Variants in PAK5 observed in about 807,000 individuals in gnomAD.
PAK5 encodes serine/threonine-protein kinase PAK 5.
A neutral mutation model predicts 65.9 loss-of-function variants in PAK5; 16 were observed. That is an observed-to-expected ratio of 0.24 (90% CI 0.16 to 0.37). The LOEUF is 0.37. PAK5 is among the 10% of genes least tolerant of loss of function. The pLI is 1.00. For synonymous variants in PAK5, 371 were observed against 354.9 expected (o/e 1.05, Z -0.51); for missense variants, 785 against 903.9 (o/e 0.87, Z 1.69).
At chr20:9,556,693 T>G (rs1011013524) in intron 7 of PAK5, among the ~76,000 whole-genome samples, 2 of 152,222 alleles carry the variant, frequency 1.3e-5, no homozygotes, top group African/African-American at 2.4e-5. Flanking sequence ...TGCCCTGGTG[T>G]GGCTGATGAG....
intron 1 of PAK5, among the ~76,000 whole-genome samples, chr20:9,789,693 A>G (rs2049029604): frequency 6.6e-6 from 1 of 152,112 alleles, no homozygotes; most frequent in African/African-American, 2.4e-5. Flanking sequence ...GGTCTGGGGA[A>G]GATGGGAAAG....
chr20:9,809,335 ATTT>A (rs3061945), intron 1 of PAK5, among the ~76,000 whole-genome samples: 2 of 135,320 alleles, frequency 1.5e-5, no homozygotes, highest in African/African-American at 5.7e-5. Context: ...GGCAATCCAA[ATTT>A]TTTTTTTTTT....
chr20:9,723,076 C>T lies in PAK5; in HGVS notation c.-161-11641G>A, dbSNP rs117369186. On this transcript the variant is annotated intron_variant, in intron 1 of 9. Transcript: ENST00000353224. The stretch of plus-strand genomic sequence containing the variant: ...GGTCTTACAATAAAGTCCAATAAAA[C>T]GAGGAAGCCATTGACGAGCGTGGAG... Among the ~76,000 whole-genome samples the T allele has an allele frequency of 1.9e-3, 290 of 152,184 alleles. 2 individuals carry two copies. The highest frequency in any genetic ancestry group is 2.1e-3 in the Non-Finnish European group (143 of 68,008).
intron 2 of PAK5, among the ~76,000 whole-genome samples, chr20:9,664,426 T>C (rs2047386124): frequency 6.6e-6 from 1 of 152,192 alleles, no homozygotes; most frequent in South Asian, 2.1e-4. Flanking sequence ...CTATGATTCT[T>C]AGCTGTTTTG....
intron 2 of PAK5, among the ~76,000 whole-genome samples, chr20:9,666,290 C>T (rs1236488717): frequency 6.6e-6 from 1 of 151,554 alleles, no homozygotes. Flanking sequence ...AGCCTCCTGA[C>T]TGCCCACAGG....
At chr20:9,768,558 G>A (rs1291956053) in intron 1 of PAK5, among the ~76,000 whole-genome samples, 1 of 152,118 alleles carries the variant, frequency 6.6e-6, no homozygotes, top group African/African-American at 2.4e-5. Flanking sequence ...CAAGGTGGGT[G>A]GATCACTTGA....
intron 1 of PAK5, among the ~76,000 whole-genome samples, chr20:9,748,473 C>G (rs930235048): frequency 6.6e-6 from 1 of 152,158 alleles, no homozygotes; most frequent in Non-Finnish European, 1.5e-5. Context: ...CAGCATGGTA[C>G]TAGTACCAAA....
chr20:9,616,210 T>C lies in PAK5; in HGVS notation c.204+27915A>G, dbSNP rs186546287. 3.3e-5 allele frequency among the ~76,000 whole-genome samples: 5 copies of C among 152,364 alleles called. No homozygotes were observed. The East Asian group carries it at 5.8e-4, about 18-fold the overall frequency. ...TAGAAATGAAATTAATATTTATCACTATGAACCATGCATGATGTCAAATAC... is the reference window on the plus strand; with the variant it reads ...TAGAAATGAAATTAATATTTATCACCATGAACCATGCATGATGTCAAATAC... On this transcript the variant is annotated intron_variant, in intron 3 of 9. Coordinates refer to ENST00000353224, the MANE Select transcript of PAK5 (RefSeq NM_177990.4).
chr20:9,711,664 A>G (rs963111960), intron 1 of PAK5, among the ~76,000 whole-genome samples: 1 of 152,102 alleles, frequency 6.6e-6, no homozygotes, highest in African/African-American at 2.4e-5. Context: ...GTACCACAGC[A>G]TTTTCTCCAC....
intron 3 of PAK5, among the ~76,000 whole-genome samples, chr20:9,594,857 T>G (rs1475834300): frequency 6.6e-6 from 1 of 152,176 alleles, no homozygotes; most frequent in Non-Finnish European, 1.5e-5. Flanking sequence ...GCCTTTGATT[T>G]AGTCTTTACT....
intron 1 of PAK5, among the ~76,000 whole-genome samples, chr20:9,801,701 T>A (rs1168446298): frequency 6.6e-6 from 1 of 152,006 alleles, no homozygotes; most frequent in East Asian, 1.9e-4. Context: ...TAATTAAATG[T>A]GATATTGGCA....
intron 4 of PAK5, among the ~76,000 whole-genome samples, chr20:9,572,428 CAT>C (rs1012045377): frequency 2.1e-4 from 32 of 152,322 alleles, no homozygotes; most frequent in African/African-American, 6.7e-4. Flanking sequence ...TTTACACACA[CAT>C]GTTCATGCAT....
At chr20:9,556,443 G>A (rs1031046360) in intron 7 of PAK5, among the ~76,000 whole-genome samples, 3 of 152,156 alleles carry the variant, frequency 2.0e-5, no homozygotes, top group Non-Finnish European at 4.4e-5. Context: ...GATCATTCCT[G>A]GGCAATTTCT....
chr20:9,722,581 C>T (rs2048229332), intron 1 of PAK5, among the ~76,000 whole-genome samples: 1 of 151,950 alleles, frequency 6.6e-6, no homozygotes, highest in Admixed American at 6.5e-5. Context: ...CACTGCACTC[C>T]AGCCTGGGGG....
At chr20:9,725,090 C>G (rs2048261070) in intron 1 of PAK5, among the ~76,000 whole-genome samples, 1 of 151,826 alleles carries the variant, frequency 6.6e-6, no homozygotes, top group Non-Finnish European at 1.5e-5. Flanking sequence ...CACACACACA[C>G]AAACAAACAT....
intron 1 of PAK5, among the ~76,000 whole-genome samples, chr20:9,720,263 A>G (rs1211459214): frequency 2.0e-5 from 3 of 152,118 alleles, no homozygotes; most frequent in Non-Finnish European, 2.9e-5. Context: ...ATAGAAAAAA[A>G]GTTATTTTTA....
At chr20:9,770,159 G>A (rs1385453682) in intron 1 of PAK5, among the ~76,000 whole-genome samples, 1 of 152,132 alleles carries the variant, frequency 6.6e-6, no homozygotes, top group Non-Finnish European at 1.5e-5. Context: ...AGGCGAAAGA[G>A]GACGGTCGAC....
chr20:9,663,950 T>C (rs1187914962), intron 2 of PAK5, among the ~76,000 whole-genome samples: 3 of 152,198 alleles, frequency 2.0e-5, no homozygotes, highest in East Asian at 1.9e-4. Flanking sequence ...ATTCCTACAT[T>C]GCAATGCTAC....
chr20:9,577,521 T>G (rs1258390079), intron 4 of PAK5: 1 of 151,970 alleles, frequency 6.6e-6, no homozygotes, highest in Admixed American at 6.5e-5. Context: ...CCTTTAGGAG[T>G]CTCTGCAAGC....
Sources: gnomAD v4.1 joint callset for allele counts (sites outside exome capture counted in the v4.1 genomes callset) on GRCh38, gnomAD v4.1.1 for gene constraint, MANE v1.5 for transcripts, NCBI Gene and HGNC (gene_info 2026-07-23, HGNC 2026-07-21) for gene names.